The following ZSWIM5 variants were observed in gnomAD, a reference collection of about 807,000 sequenced individuals.
ZSWIM5 encodes zinc finger SWIM-type containing 5.
Under a neutral mutation model 119.6 loss-of-function variants are expected in ZSWIM5, and 55 were observed. The observed-to-expected ratio is 0.46, with a 90% CI of 0.37 to 0.58. The LOEUF (loss-of-function observed/expected upper bound fraction) is 0.58. ZSWIM5 is among the 20% of genes least tolerant of loss of function. The probability of loss-of-function intolerance (pLI) is 0.00; values close to 1 mark genes in which losing one functional copy is unlikely to be tolerated. For synonymous variants in ZSWIM5, 537 were observed against 606.9 expected (o/e 0.88, Z 1.69); for missense variants, 1,193 against 1,512.8 (o/e 0.79, Z 3.51).
intron 11 of ZSWIM5, among the ~76,000 whole-genome samples, chr1:45,031,339 C>A (rs1435635674): frequency 1.3e-5 from 2 of 150,810 alleles, no homozygotes; most frequent in Admixed American, 6.6e-5. Context: ...ACCATGCTCA[C>A]GCAATTTTTT....
At chr1:45,181,806 C>A (rs61789768) in intron 1 of ZSWIM5, among the ~76,000 whole-genome samples, 10,466 of 151,928 alleles carry the variant, frequency 0.069, 485 homozygotes, top group Non-Finnish European at 0.097. Context: ...AATTTTCAAC[C>A]CAGAATTTCA....
At chr1:45,080,608 T>G (rs894480279) in intron 2 of ZSWIM5, among the ~76,000 whole-genome samples, 5 of 152,188 alleles carry the variant, frequency 3.3e-5, no homozygotes, top group African/African-American at 1.2e-4. Context: ...GCTCACCTGA[T>G]TTTTGGTTCT....
At chr1:45,109,741 T>C (rs1242496207) in intron 1 of ZSWIM5, among the ~76,000 whole-genome samples, 1 of 33,198 alleles carries the variant, frequency 3.0e-5, no homozygotes, top group African/African-American at 2.2e-4. Context: ...CTAGACTTCG[T>C]ATGAAAAAAA....
In ZSWIM5 at chr1:45,151,674, G is replaced by A. The variant is rs575574340; in HGVS notation, c.595+54082C>T. Among the ~76,000 whole-genome samples, 128 of 152,176 alleles carry A rather than the reference G, an allele frequency of 8.4e-4. 1 individual carries two copies. The highest frequency in any genetic ancestry group is 3.0e-3 in the African/African-American group (126 of 41,484). On this transcript the variant is annotated intron_variant, in intron 1 of 13. Coordinates refer to ENST00000359600, the MANE Select transcript of ZSWIM5 (RefSeq NM_020883.2). ...CACTGAAGCAAAAACTGAAGGATAA[G>A]CAGGAATTAGGTAAGCAAAGAAGGG...
chr1:45,110,919 G>A (rs571351985), intron 1 of ZSWIM5, among the ~76,000 whole-genome samples: 12 of 152,150 alleles, frequency 7.9e-5, no homozygotes, highest in East Asian at 7.7e-4. Context: ...CCAAGATATC[G>A]ATCTGGTGAC....
intron 2 of ZSWIM5, among the ~76,000 whole-genome samples, chr1:45,069,730 C>A (rs937697037): frequency 1.3e-5 from 2 of 152,032 alleles, no homozygotes; most frequent in Non-Finnish European, 2.9e-5. Flanking sequence ...GAAGAAAATG[C>A]CACTCAACAT....
chr1:45,087,567 T>A (rs1451941425), intron 2 of ZSWIM5, among the ~76,000 whole-genome samples: 1 of 152,248 alleles, frequency 6.6e-6, no homozygotes, highest in Non-Finnish European at 1.5e-5. Context: ...TTTACTGTTT[T>A]AACACTTCAG....
intron 1 of ZSWIM5, among the ~76,000 whole-genome samples, chr1:45,141,373 G>A (rs1262914613): frequency 6.6e-6 from 1 of 152,166 alleles, no homozygotes; most frequent in Non-Finnish European, 1.5e-5. Context: ...GAACCAGAAA[G>A]TACTAGGGAG....
In ZSWIM5 at chr1:45,058,708, G is replaced by A. The variant is rs748087121; in HGVS notation, c.1153C>T (p.Leu385=). ...TCAGCCACAAACTGCTCAGTTATTAGTGTCAGCATCCTTGCTCCATTGGAA... is the reference window on the plus strand; with the variant it reads ...TCAGCCACAAACTGCTCAGTTATTAATGTCAGCATCCTTGCTCCATTGGAA... ...RDSNGARMLT[L]ITEQFVADPR... Residue 385 remains leucine (L), a synonymous_variant, in exon 4 of 14, where the codon CTA becomes TTA. Transcript: ENST00000359600. The A allele has an allele frequency of 5.0e-6, 8 of 1,614,068 alleles. No individual in the cohort carries two copies. In the South Asian group the frequency reaches 7.7e-5, roughly 16 times the overall value.
chr1:45,193,817 AAAC>A (rs543282802), intron 1 of ZSWIM5, among the ~76,000 whole-genome samples: 1 of 152,106 alleles, frequency 6.6e-6, no homozygotes, highest in Non-Finnish European at 1.5e-5. Context: ...TTAATTCTCA[AAAC>A]AACCTATGAA....
chr1:45,186,577 T>G (rs946694268), intron 1 of ZSWIM5, among the ~76,000 whole-genome samples: 17 of 151,790 alleles, frequency 1.1e-4, no homozygotes, highest in Non-Finnish European at 1.2e-4. Flanking sequence ...GGAATACAGC[T>G]CTGCCAACAA....
At position 45,101,461 on chromosome 1, in the gene ZSWIM5, AC is replaced by A. The variant is rs1645439180; in HGVS notation, c.596-13225del. On this transcript the variant is annotated intron_variant, in intron 1 of 13. Coordinates refer to ENST00000359600, the MANE Select transcript of ZSWIM5 (RefSeq NM_020883.2). ...GTTGGTGGGAGTGTAAACTAGTTCAACCATTGTGGAAGACAGTGTGGCGATT... is the reference window on the plus strand; with the variant it reads ...GTTGGTGGGAGTGTAAACTAGTTCAACATTGTGGAAGACAGTGTGGCGATT... 2.6e-5 allele frequency among the ~76,000 whole-genome samples: 4 copies of A among 152,342 alleles called. No homozygotes were observed. In the South Asian group the frequency reaches 8.3e-4, roughly 32 times the overall value.
rs1479118954 is a variant in ZSWIM5 at position 45,044,654 on chromosome 1, G to T, written c.1433-1259C>A. On this transcript the variant is annotated intron_variant, in intron 5 of 13. Transcript: ENST00000359600. ...TGGGAGAATGGCGTGAACCCGGAAGGCGGAGCTTGCAGTGAGCCGAGATCG... is the reference window on the plus strand; with the variant it reads ...TGGGAGAATGGCGTGAACCCGGAAGTCGGAGCTTGCAGTGAGCCGAGATCG... Among the ~76,000 whole-genome samples, 3 of 124,908 alleles carry T rather than the reference G, an allele frequency of 2.4e-5. No homozygotes were observed. In the Admixed American group the frequency reaches 2.7e-4, roughly 11 times the overall value. 81.9% of individuals were successfully genotyped at this position (124,908 alleles called of 152,430 possible). A position where few individuals can be genotyped will look rare whatever the true frequency, so the allele number is the denominator to read the frequency against.
At chr1:45,094,672 G>A (rs995185877) in intron 1 of ZSWIM5, among the ~76,000 whole-genome samples, 3 of 152,014 alleles carry the variant, frequency 2.0e-5, no homozygotes, top group African/African-American at 7.2e-5. Flanking sequence ...AGACCAGCCT[G>A]GCAACATGGC....
intron 1 of ZSWIM5, among the ~76,000 whole-genome samples, chr1:45,090,041 C>T (rs1645355151): frequency 1.3e-5 from 2 of 152,106 alleles, no homozygotes; most frequent in East Asian, 1.9e-4. Context: ...ATAAAAGGTA[C>T]ATATATAAGT....
chr1:45,045,427 T>C (rs2036426), intron 5 of ZSWIM5, among the ~76,000 whole-genome samples: 143,740 of 152,276 alleles, frequency 0.94, 67,877 homozygotes, highest in Middle Eastern at 0.99. Context: ...ATGAAAGAAC[T>C]TAACATATTC....
intron 2 of ZSWIM5, among the ~76,000 whole-genome samples, chr1:45,063,662 A>G (rs1464849863): frequency 6.6e-6 from 1 of 152,146 alleles, no homozygotes; most frequent in African/African-American, 2.4e-5. Context: ...CTCATTGTTA[A>G]TATTACTTCA....
chr1:45,197,259 G>A (rs1180180452), intron 1 of ZSWIM5, among the ~76,000 whole-genome samples: 2 of 152,176 alleles, frequency 1.3e-5, no homozygotes, highest in African/African-American at 4.8e-5. Context: ...CTGTGGAATA[G>A]TCTCTTTCCT....
intron 1 of ZSWIM5, among the ~76,000 whole-genome samples, chr1:45,150,929 C>A (rs1645793439): frequency 6.6e-6 from 1 of 152,144 alleles, no homozygotes; most frequent in African/African-American, 2.4e-5. Flanking sequence ...CAGAAGGAAC[C>A]CAGGATTCTC....
Sources: allele counts gnomAD v4.1 joint callset (sites outside exome capture counted in the v4.1 genomes callset), GRCh38; gene constraint gnomAD v4.1.1; transcripts MANE v1.5; gene names NCBI Gene and HGNC (gene_info 2026-07-23, HGNC 2026-07-21).